The following STPG2 variants were observed in gnomAD, a reference collection of about 807,000 sequenced individuals.
STPG2 encodes sperm tail PG-rich repeat containing 2.
In STPG2, 56 loss-of-function variants were observed where a neutral mutation model predicts 54.2. That is an observed-to-expected ratio of 1.03 (90% CI 0.83 to 1.29). STPG2 has a LOEUF of 1.29. Ranked by LOEUF, STPG2 falls within the 50% of genes most tolerant of loss-of-function variation. The pLI is 0.00. For synonymous variants in STPG2, 200 were observed against 181.8 expected (o/e 1.10, Z -0.81); for missense variants, 596 against 544.9 (o/e 1.09, Z -0.93).
chr4:98,136,405 A>G (rs1740136573), intron 1 of STPG2, among the ~76,000 whole-genome samples: 1 of 151,192 alleles, frequency 6.6e-6, no homozygotes, highest in Non-Finnish European at 1.5e-5. Context: ...GAACACTTAC[A>G]TTAGCCTAAC....
At chr4:97,969,898 T>C (rs1185836373) in intron 7 of STPG2, among the ~76,000 whole-genome samples, 2 of 152,216 alleles carry the variant, frequency 1.3e-5, no homozygotes, top group Admixed American at 6.5e-5. Context: ...GACATGCTTG[T>C]ATATTTAGAA....
intron 10 of STPG2, among the ~76,000 whole-genome samples, chr4:97,615,463 A>C (rs1398738332): frequency 6.6e-6 from 1 of 152,012 alleles, no homozygotes; most frequent in East Asian, 1.9e-4. Context: ...TAATTTTAAA[A>C]ATTTTTTAGA....
chr4:98,001,371 A>T (rs880470), intron 5 of STPG2, among the ~76,000 whole-genome samples: 59,654 of 151,272 alleles, frequency 0.39, 11,992 homozygotes, highest in Middle Eastern at 0.46. Context: ...TTTTGGTAAA[A>T]TGGTGCTATG....
intron 10 of STPG2, among the ~76,000 whole-genome samples, chr4:97,565,275 T>A (rs1055204111): frequency 6.6e-6 from 1 of 152,260 alleles, no homozygotes; most frequent in African/African-American, 2.4e-5. Flanking sequence ...GCCTTGGCTT[T>A]CAGCTCCATC....
At chr4:97,500,521 A>G (rs987377766) in intron 4 of STPG2, among the ~76,000 whole-genome samples, 2 of 152,058 alleles carry the variant, frequency 1.3e-5, no homozygotes, top group African/African-American at 4.8e-5. Flanking sequence ...GATAGCATTG[A>G]AAGCTCTCAC....
At chr4:98,111,660 AT>A (rs1739350464) in intron 3 of STPG2, among the ~76,000 whole-genome samples, 1 of 151,802 alleles carries the variant, frequency 6.6e-6, no homozygotes, top group South Asian at 2.1e-4. Flanking sequence ...TTAGATGTCA[AT>A]TTGACTGAGT....
At chr4:97,629,402 C>T (rs958316739) in intron 10 of STPG2, among the ~76,000 whole-genome samples, 1 of 151,978 alleles carries the variant, frequency 6.6e-6, no homozygotes, top group African/African-American at 2.4e-5. Flanking sequence ...CACATATGTG[C>T]GTGCACGCAC....
chr4:97,830,579 A>T (rs1422361244), intron 9 of STPG2, among the ~76,000 whole-genome samples: 1 of 152,102 alleles, frequency 6.6e-6, no homozygotes, highest in Non-Finnish European at 1.5e-5. Context: ...CACAGACTGG[A>T]AAAATGGATA....
At chr4:97,932,056 G>A (rs2149219515) in intron 8 of STPG2, among the ~76,000 whole-genome samples, 2 of 152,184 alleles carry the variant, frequency 1.3e-5, no homozygotes, top group South Asian at 4.1e-4. Flanking sequence ...GTTTCTGATG[G>A]CTGATTTTAT....
chr4:98,091,680 G>A (rs1244362682), intron 5 of STPG2, among the ~76,000 whole-genome samples: 3 of 142,648 alleles, frequency 2.1e-5, no homozygotes, highest in African/African-American at 7.8e-5. Flanking sequence ...GCATATAATA[G>A]GTGTTCAATT....
chr4:97,547,657 T>C (rs1731863686), intron 4 of STPG2, among the ~76,000 whole-genome samples: 2 of 151,982 alleles, frequency 1.3e-5, no homozygotes, highest in African/African-American at 4.8e-5. Context: ...AGGTAGGTGA[T>C]TATGGGTAAG....
chr4:97,857,149 A>G (rs1004362284), intron 8 of STPG2, among the ~76,000 whole-genome samples: 1 of 152,072 alleles, frequency 6.6e-6, no homozygotes, highest in Non-Finnish European at 1.5e-5. Context: ...CTATGTTTTG[A>G]TATCAGGATG....
At chr4:97,834,521 T>C (rs1267766820) in intron 9 of STPG2, among the ~76,000 whole-genome samples, 1 of 151,826 alleles carries the variant, frequency 6.6e-6, no homozygotes, top group Non-Finnish European at 1.5e-5. Flanking sequence ...AAATTATTAT[T>C]ATTCGTGCTG....
chr4:98,134,546 G>T (rs1349726024), intron 1 of STPG2, 87 bp from the exon 2 acceptor site: 1 of 605,000 alleles, frequency 1.7e-6, no homozygotes. Context: ...ATAATCATGA[G>T]TATCCTCAAT....
intron 9 of STPG2, among the ~76,000 whole-genome samples, chr4:97,732,588 C>A (rs1170100637): frequency 6.6e-6 from 1 of 152,108 alleles, no homozygotes; most frequent in African/African-American, 2.4e-5. Flanking sequence ...TCGTTAAAAG[C>A]TTCTGCACAG....
intron 3 of STPG2, among the ~76,000 whole-genome samples, chr4:98,115,449 T>C (rs1289178747): frequency 4.6e-5 from 7 of 151,950 alleles, no homozygotes; most frequent in African/African-American, 1.7e-4. Context: ...ATAAAATAAC[T>C]TTTTTGTAGA....
chr4:97,733,995 A>G (rs939952785), intron 9 of STPG2, among the ~76,000 whole-genome samples: 2 of 152,106 alleles, frequency 1.3e-5, no homozygotes, highest in African/African-American at 4.8e-5. Flanking sequence ...GGTGTATTTT[A>G]TTTATTTTTC....
chr4:98,081,754 T>C (rs952170213), intron 5 of STPG2, among the ~76,000 whole-genome samples: 1 of 152,182 alleles, frequency 6.6e-6, no homozygotes, highest in African/African-American at 2.4e-5. Context: ...CATTTCAATC[T>C]TGAGGATGGC....
At chr4:97,567,785 C>T (rs960744919) in intron 10 of STPG2, among the ~76,000 whole-genome samples, 9 of 151,748 alleles carry the variant, frequency 5.9e-5, no homozygotes, top group Admixed American at 1.3e-4. Context: ...AAAGATATAC[C>T]GCATGTTGTA....
Sources: gnomAD v4.1 joint callset for allele counts (sites outside exome capture counted in the v4.1 genomes callset) on GRCh38, gnomAD v4.1.1 for gene constraint, MANE v1.5 for transcripts, NCBI Gene and HGNC (gene_info 2026-07-23, HGNC 2026-07-21) for gene names.